The following TOX2 variants were observed in gnomAD, a reference collection of about 807,000 sequenced individuals.
TOX2 encodes granulosa cell HMG box 1.
Under a neutral mutation model 47.4 loss-of-function variants are expected in TOX2, and 15 were observed. The observed-to-expected ratio is 0.32, with a 90% confidence interval of 0.21 to 0.49. The LOEUF (loss-of-function observed/expected upper bound fraction) is 0.49. TOX2 is among the 20% of genes least tolerant of loss of function. TOX2 has a pLI of 0.99. For missense variants in TOX2, 622 were observed against 673.1 expected, an observed-to-expected ratio of 0.92 and a Z score of 0.84; for synonymous variants, 290 against 296.6, an observed-to-expected ratio of 0.98 and a Z score of 0.23.
intron 3 of TOX2, among the ~76,000 whole-genome samples, chr20:44,017,155 G>A (rs2070893577): frequency 6.6e-6 from 1 of 152,228 alleles, no homozygotes; most frequent in Non-Finnish European, 1.5e-5. Flanking sequence ...ATGAATGGGA[G>A]AAGGGAATTA....
At chr20:43,976,843 T>C (rs2070089093) in intron 2 of TOX2, among the ~76,000 whole-genome samples, 2 of 152,144 alleles carry the variant, frequency 1.3e-5, no homozygotes, top group Admixed American at 1.3e-4. Context: ...CAATGTGTTG[T>C]CTCATCAACT....
At chr20:43,996,599 A>T (rs914240190) in intron 2 of TOX2, among the ~76,000 whole-genome samples, 2 of 152,074 alleles carry the variant, frequency 1.3e-5, no homozygotes, top group Admixed American at 1.3e-4. Context: ...TGTAAAATGG[A>T]AATGCCATTT....
intron 1 of TOX2, among the ~76,000 whole-genome samples, chr20:43,936,186 A>G (rs1435297443): frequency 6.6e-6 from 1 of 152,192 alleles, no homozygotes; most frequent in African/African-American, 2.4e-5. Flanking sequence ...ACCTTGTCCC[A>G]GCTCAAGGCA....
At chr20:44,027,394 C>T (rs1281074622) in intron 3 of TOX2, among the ~76,000 whole-genome samples, 2 of 152,166 alleles carry the variant, frequency 1.3e-5, no homozygotes, top group South Asian at 2.1e-4. Context: ...ATGCTGAGCC[C>T]ACCCGGAACC....
At chr20:43,933,984 C>T (rs1352247892) in intron 1 of TOX2, among the ~76,000 whole-genome samples, 1 of 152,024 alleles carries the variant, frequency 6.6e-6, no homozygotes, top group African/African-American at 2.4e-5. Context: ...GGCCGCCTCT[C>T]CTTTCTGGGA....
chr20:43,922,059 G>A (rs570435233), intron 1 of TOX2, among the ~76,000 whole-genome samples: 5 of 152,276 alleles, frequency 3.3e-5, no homozygotes, highest in Admixed American at 3.3e-4. Flanking sequence ...CACTGGCTTG[G>A]GCAGGTGACC....
intron 2 of TOX2, among the ~76,000 whole-genome samples, chr20:43,977,143 C>T (rs949793770): frequency 6.6e-6 from 1 of 151,728 alleles, no homozygotes; most frequent in Non-Finnish European, 1.5e-5. Flanking sequence ...CTCACTGTCA[C>T]CCAGGCTGGA....
intron 3 of TOX2, among the ~76,000 whole-genome samples, chr20:44,031,257 A>T (rs1023168545): frequency 1.3e-5 from 2 of 152,136 alleles, no homozygotes; most frequent in Non-Finnish European, 2.9e-5. Context: ...CTCTGTGTTC[A>T]GCCGCTGTTC....
intron 3 of TOX2, among the ~76,000 whole-genome samples, chr20:44,010,469 A>G (rs1316886489): frequency 6.6e-6 from 1 of 152,240 alleles, no homozygotes; most frequent in African/African-American, 2.4e-5. Flanking sequence ...GCCAAACTCT[A>G]TTACCCAGGG....
intron 5 of TOX2, among the ~76,000 whole-genome samples, chr20:44,063,432 C>T (rs1402798244): frequency 6.6e-6 from 1 of 151,986 alleles, no homozygotes; most frequent in Non-Finnish European, 1.5e-5. Flanking sequence ...CTTACTCCTG[C>T]AAGAATGTCC....
At chr20:44,004,669 C>T (rs1379185386) in intron 2 of TOX2, among the ~76,000 whole-genome samples, 1 of 152,216 alleles carries the variant, frequency 6.6e-6, no homozygotes, top group Admixed American at 6.5e-5. Context: ...TTGCCACAGG[C>T]TGTACACACA....
At chr20:43,950,431 A>C (rs1383282559) in intron 1 of TOX2, among the ~76,000 whole-genome samples, 1 of 152,126 alleles carries the variant, frequency 6.6e-6, no homozygotes, top group Non-Finnish European at 1.5e-5. Context: ...GGGTAATCTC[A>C]GTGCCATCTG....
At chr20:44,060,626 T>TG (rs2071699865) in intron 5 of TOX2, among the ~76,000 whole-genome samples, 1 of 152,132 alleles carries the variant, frequency 6.6e-6, no homozygotes, top group African/African-American at 2.4e-5. Flanking sequence ...TGCAAATATA[T>TG]GGAAATAGTT....
At chr20:44,057,081 A>T (rs2071632392) in intron 5 of TOX2, among the ~76,000 whole-genome samples, 1 of 151,446 alleles carries the variant, frequency 6.6e-6, no homozygotes, top group Non-Finnish European at 1.5e-5. Flanking sequence ...GCCCCACAAA[A>T]TTTTTTCTTT....
At chr20:44,067,291 T>C (rs1052799477) in intron 8 of TOX2, among the ~76,000 whole-genome samples, 1 of 151,920 alleles carries the variant, frequency 6.6e-6, no homozygotes, top group Admixed American at 6.5e-5. Context: ...TGAGGGGGGA[T>C]GTGGCCTCAG....
intron 3 of TOX2, among the ~76,000 whole-genome samples, chr20:44,030,467 A>G (rs1320330786): frequency 1.3e-5 from 2 of 152,146 alleles, no homozygotes; most frequent in Admixed American, 1.3e-4. Flanking sequence ...TTCCCCTGGC[A>G]TTCAAGGCCC....
rs148298865 is a variant in TOX2 at position 43,991,841 on chromosome 20, A to G, written c.166-14706A>G. Among the ~76,000 whole-genome samples, 358 of 152,036 alleles carry G rather than the reference A, an allele frequency of 2.4e-3. 1 individual carries two copies. Among genetic ancestry groups the G allele is most frequent in the African/African-American group, 8.5e-3 (351 of 41,458 alleles). On this transcript the variant is annotated intron_variant, in intron 2 of 8. Transcript: ENST00000341197. ...GTATTTTTAGTACAGATGGGGTTTC[A>G]CCATGTTGGCAACGCTGGTCTTGAA...
At chr20:43,959,009 C>T (rs564903272) in intron 1 of TOX2, among the ~76,000 whole-genome samples, 2 of 152,222 alleles carry the variant, frequency 1.3e-5, no homozygotes, top group Non-Finnish European at 2.9e-5. Flanking sequence ...TAGGACAGAG[C>T]CCCCCACTGC....
At chr20:44,024,157 C>T (rs2071022167) in intron 3 of TOX2, among the ~76,000 whole-genome samples, 2 of 152,138 alleles carry the variant, frequency 1.3e-5, no homozygotes, top group South Asian at 2.1e-4. Flanking sequence ...GAGCTCTATA[C>T]GGTTATTACC....
Sources: gnomAD v4.1 joint callset for allele counts (sites outside exome capture counted in the v4.1 genomes callset) on GRCh38, gnomAD v4.1.1 for gene constraint, MANE v1.5 for transcripts, NCBI Gene and HGNC (gene_info 2026-07-23, HGNC 2026-07-21) for gene names.